Variants in VPS13D observed in about 807,000 individuals in gnomAD.
VPS13D encodes the protein vacuolar protein sorting 13 homolog D, also known as intermembrane lipid transfer protein VPS13D.
Under a neutral mutation model 461.9 loss-of-function variants are expected in VPS13D, and 187 were observed. The observed-to-expected ratio is 0.40, with a 90% CI of 0.36 to 0.46. The LOEUF (loss-of-function observed/expected upper bound fraction) is 0.46, where lower values mean the gene tolerates loss of function less well. Ranked by LOEUF, VPS13D falls within the 20% of genes least tolerant of loss-of-function variation. The pLI, the probability that VPS13D is intolerant of heterozygous loss-of-function variation, is 0.60. For synonymous variants in VPS13D, 1,951 were observed against 1,986.3 expected (o/e 0.98, Z 0.47); for missense variants, 4,711 against 5,364.9 (o/e 0.88, Z 3.81).
In VPS13D at chr1:12,283,368, A is replaced by G. The variant is rs775341268; in HGVS notation, c.5266A>G (p.Lys1756Glu). ...SRKKQKEVQDKDYPLTPPPSP... is the reference protein window; with the variant it reads ...SRKKQKEVQDEDYPLTPPPSP... The stretch of plus-strand genomic sequence containing the variant: ...GAAAAAGCAAAAGGAAGTCCAAGAC[A>G]AGGACTATCCCTTGACCCCACCTCC... Residue 1756 changes from lysine to glutamate, a missense_variant, in exon 21 of 70, where the codon AAG becomes GAG. Physicochemically the swap from Lys to Glu is moderately conservative, Grantham distance 56. This residue lies in a region of VPS13D where 4,411 missense variants were observed against 4,937.8 expected (regional missense o/e 0.89). Transcript: ENST00000620676. 6.2e-7 allele frequency: 1 copy of G among 1,614,208 alleles called. No individual in the cohort carries two copies. The highest frequency in any genetic ancestry group is 8.5e-7 in the Non-Finnish European group (1 of 1,180,018).
chr1:12,356,793 A>G (rs995334983), intron 49 of VPS13D, among the ~76,000 whole-genome samples: 3 of 152,192 alleles, frequency 2.0e-5, no homozygotes, highest in African/African-American at 7.2e-5. Context: ...AACTCTGCCA[A>G]CGAAGAGAAA....
Position 12,308,601 on chromosome 1 carries a change from C to A in VPS13D, c.6610C>A (p.Pro2204Thr), listed in dbSNP as rs753375836. The change falls in exon 27 of 70, where the codon CCT becomes ACT. Residue 2204 changes from proline to threonine, a missense_variant. By Grantham distance (38) the Pro-to-Thr change is conservative. Coordinates refer to ENST00000620676, the MANE Select transcript of VPS13D (RefSeq NM_015378.4). ...RQTGGSLLTEPCRLKLQVERN... is the reference protein window; with the variant it reads ...RQTGGSLLTETCRLKLQVERN... The stretch of plus-strand genomic sequence containing the variant: ...GACAGGAGGAAGCCTCTTAACCGAG[C>A]CTTGTAGGCTGAAATTGCAGGTGGA... 5 of 1,613,636 alleles carry A rather than the reference C, an allele frequency of 3.1e-6. No individual in the cohort carries two copies. In the African/African-American group the frequency reaches 5.3e-5, roughly 17 times the overall value.
intron 30 of VPS13D, 142 bp downstream of exon 30, chr1:12,314,469 GTAT>G: frequency 1.4e-6 from 1 of 735,964 alleles, no homozygotes; most frequent in Non-Finnish European, 2.2e-6. Flanking sequence ...GCAGTGTACT[GTAT>G]ATTAATGCAT....
At chr1:12,287,452 T>TGAA (rs1356807163) in intron 21 of VPS13D, among the ~76,000 whole-genome samples, 2 of 152,146 alleles carry the variant, frequency 1.3e-5, no homozygotes, top group African/African-American at 4.8e-5. Flanking sequence ...GACAAAGGGG[T>TGAA]GAAGGCATGG....
intron 1 of VPS13D, among the ~76,000 whole-genome samples, chr1:12,230,725 C>T (rs1192627470): frequency 1.3e-5 from 2 of 151,988 alleles, no homozygotes; most frequent in African/African-American, 2.4e-5. Flanking sequence ...GGCCCAGCCA[C>T]TCCTCCTAGG....
At chr1:12,231,337 G>A (rs923183981) in intron 1 of VPS13D, among the ~76,000 whole-genome samples, 1 of 152,220 alleles carries the variant, frequency 6.6e-6, no homozygotes, top group African/African-American at 2.4e-5. Flanking sequence ...CCTCAAGCAC[G>A]GTCTAGATGC....
intron 65 of VPS13D, among the ~76,000 whole-genome samples, chr1:12,434,208 C>G (rs1264922812): frequency 2.0e-5 from 3 of 152,050 alleles, no homozygotes; most frequent in African/African-American, 7.2e-5. Context: ...CTGGGAACAT[C>G]CTGTTGTTGA....
intron 52 of VPS13D, among the ~76,000 whole-genome samples, chr1:12,364,183 A>G (rs1267925422): frequency 1.3e-5 from 2 of 152,078 alleles, no homozygotes; most frequent in African/African-American, 4.8e-5. Flanking sequence ...TCATCTTGCA[A>G]AACTGAAACT....
chr1:12,253,457 A>T (rs1361367800), intron 6 of VPS13D, among the ~76,000 whole-genome samples: 1 of 152,132 alleles, frequency 6.6e-6, no homozygotes, highest in African/African-American at 2.4e-5. Flanking sequence ...TTGCACAGTG[A>T]CGTTTTCTTG....
At position 12,304,697 on chromosome 1, in the gene VPS13D, A is replaced by G. The variant is rs145229622; in HGVS notation, c.6408A>G (p.Thr2136=). The G allele has an allele frequency of 2.0e-5, 32 of 1,613,874 alleles. No homozygotes were observed. Among genetic ancestry groups the G allele is most frequent in the Non-Finnish European group, 2.7e-5 (32 of 1,180,040 alleles). Residue 2136 remains threonine (T), a synonymous_variant, in exon 26 of 70, where the codon ACA becomes ACG. Coordinates refer to ENST00000620676, the MANE Select transcript of VPS13D (RefSeq NM_015378.4). ...CCAAGCAGCAAGGGCCGCAACCCAC[A>G]CTGTCTGTTGGCCAAGAGTCCAGTA... ...TSTKQQGPQP[T]LSVGQESSSP... is the part of the protein sequence containing the mutation.
chr1:12,464,233 C>G (rs1204289761), intron 67 of VPS13D, among the ~76,000 whole-genome samples: 1 of 152,146 alleles, frequency 6.6e-6, no homozygotes. Context: ...ACAACAGGGA[C>G]TAACAAATGA....
chr1:12,288,592 C>T (rs1642039639), intron 22 of VPS13D, among the ~76,000 whole-genome samples: 2 of 151,546 alleles, frequency 1.3e-5, no homozygotes, highest in Non-Finnish European at 1.5e-5. Context: ...TGAGATGGAG[C>T]CCTGGTGTCT....
intron 64 of VPS13D, among the ~76,000 whole-genome samples, chr1:12,415,913 T>C (rs906331685): frequency 6.6e-6 from 1 of 152,034 alleles, no homozygotes; most frequent in Non-Finnish European, 1.5e-5. Flanking sequence ...TCATGGTGGC[T>C]CACACCTGTA....
chr1:12,318,914 T>C (rs1444651518), intron 31 of VPS13D, among the ~76,000 whole-genome samples: 1 of 152,240 alleles, frequency 6.6e-6, no homozygotes, highest in African/African-American at 2.4e-5. Flanking sequence ...CACAATGCGT[T>C]TTACATGAGT....
At chr1:12,347,171 G>A (rs1041995515) in intron 44 of VPS13D, among the ~76,000 whole-genome samples, 35 of 151,760 alleles carry the variant, frequency 2.3e-4, no homozygotes, top group Admixed American at 9.9e-4. Context: ...ACAACATCAG[G>A]ATTTCTTTTT....
At chr1:12,243,704 A>C (rs1261544641) in intron 3 of VPS13D, among the ~76,000 whole-genome samples, 1 of 152,194 alleles carries the variant, frequency 6.6e-6, no homozygotes, top group Non-Finnish European at 1.5e-5. Context: ...TCACAATTCT[A>C]CCGAGCCGTT....
chr1:12,340,814 C>T (rs1222675779), intron 40 of VPS13D, among the ~76,000 whole-genome samples: 2 of 152,204 alleles, frequency 1.3e-5, no homozygotes, highest in Non-Finnish European at 2.9e-5. Flanking sequence ...AACATGTCAA[C>T]CAGGAGGCTT....
intron 67 of VPS13D, among the ~76,000 whole-genome samples, chr1:12,493,110 A>G (rs1645906300): frequency 6.6e-6 from 1 of 150,978 alleles, no homozygotes; most frequent in Admixed American, 6.6e-5. Flanking sequence ...TATTTCAAAT[A>G]AATAAAGAGA....
chr1:12,240,329 T>C (rs1011895076), intron 2 of VPS13D, among the ~76,000 whole-genome samples: 1 of 152,056 alleles, frequency 6.6e-6, no homozygotes, highest in African/African-American at 2.4e-5. Flanking sequence ...GTGCGGTGGC[T>C]CACGCCTGTA....
Sources: allele counts gnomAD v4.1 joint callset (sites outside exome capture counted in the v4.1 genomes callset), GRCh38; gene constraint gnomAD v4.1.1; regional missense constraint gnomAD v4.1.1; transcripts MANE v1.5; gene names NCBI Gene and HGNC (gene_info 2026-07-23, HGNC 2026-07-21).